GPHA2: variants seen among roughly 807,000 people sequenced by gnomAD.
GPHA2 encodes glycoprotein hormone subunit alpha 2.
GPHA2 carries 12 observed loss-of-function variants against 15.3 expected under a neutral mutation model. The observed-to-expected ratio is 0.78, with a 90% CI of 0.50 to 1.27. The LOEUF (loss-of-function observed/expected upper bound fraction) is 1.27, where lower values mean the gene tolerates loss of function less well. Ranked by LOEUF, GPHA2 falls within the 50% of genes most tolerant of loss-of-function variation. The pLI is 0.00. For missense variants in GPHA2, 156 were observed against 169.5 expected (o/e 0.92, Z 0.44); for synonymous variants, 61 against 66.8 (o/e 0.91, Z 0.42).
intron 1 of GPHA2, 179 bp from the exon 2 acceptor site, chr11:64,935,639 G>A (rs1461052285): frequency 5.7e-6 from 3 of 522,520 alleles, no homozygotes; most frequent in Non-Finnish European, 1.0e-5. Flanking sequence ...GTGTATGGGT[G>A]TGAGTGTGAG....
chr11:64,934,644 TAA>T lies in GPHA2; in HGVS notation c.*127_*128del. On this transcript the variant is annotated 3_prime_UTR_variant, in exon 4 of 4. Coordinates refer to ENST00000279168, the MANE Select transcript of GPHA2 (RefSeq NM_130769.4). ...AAGCTGGAACAACCCTCCCCTTATT[TAA>T]AAAAATTCCATAGCAAGTAACCATC... 1 of 754,736 alleles carries T rather than the reference TAA, an allele frequency of 1.3e-6. No individual in the cohort carries two copies. Among genetic ancestry groups the T allele is most frequent in the Non-Finnish European group, 2.3e-6 (1 of 432,122 alleles). 46.8% of individuals were successfully genotyped at this position (754,736 alleles called of 1,614,324 possible). A position where few individuals can be genotyped will look rare whatever the true frequency, so the allele number is the denominator to read the frequency against.
rs1945269103 is a variant in GPHA2 at position 64,934,685 on chromosome 11, C to T, written c.*88G>A. 2 of 1,067,924 alleles carry T rather than the reference C, an allele frequency of 1.9e-6. No homozygotes were observed. Among genetic ancestry groups the T allele is most frequent in the Non-Finnish European group, 2.9e-6 (2 of 682,854 alleles). The allele number at this position is 1,067,924 out of a possible 1,614,324, so 66.2% of individuals were successfully genotyped here. Reference sequence around the variant, plus strand: ...CAAGTAACCATCAGGGCTGGAGCTCCTTCCAGTTTTTGAATCTTGAACACA... The same window carrying T: ...CAAGTAACCATCAGGGCTGGAGCTCTTTCCAGTTTTTGAATCTTGAACACA... On this transcript the variant is annotated 3_prime_UTR_variant, in exon 4 of 4. Coordinates refer to ENST00000279168, the MANE Select transcript of GPHA2 (RefSeq NM_130769.4).
chr11:64,934,754 A>T lies in GPHA2; in HGVS notation c.*19T>A, dbSNP rs1389399821. On this transcript the variant is annotated 3_prime_UTR_variant, in exon 4 of 4. Transcript: ENST00000279168. ...GTCAAGCCCTGTGACCCAGGGGAGG[A>T]AGGAGGGGAGAGGATGGGCTAGTAG... The T allele has an allele frequency of 6.3e-7, 1 of 1,598,302 alleles. No individual in the cohort carries two copies. The highest frequency in any genetic ancestry group is 8.6e-7 in the Non-Finnish European group (1 of 1,165,524).
rs531163582 is a variant in GPHA2 at position 64,934,820 on chromosome 11, T to C, written c.343A>G (p.Thr115Ala). ...GSRREELEIF[T>A]ARACQCDMCR... Reference sequence around the variant, plus strand: ...ATGTCACACTGGCAGGCCCTGGCCGTGAAGATCTCGAGCTCCTCCCTCCGG... The same window carrying C: ...ATGTCACACTGGCAGGCCCTGGCCGCGAAGATCTCGAGCTCCTCCCTCCGG... The change falls in exon 4 of 4, where the codon ACG becomes GCG. Residue 115 changes from threonine to alanine, a missense_variant. Coordinates refer to ENST00000279168, the MANE Select transcript of GPHA2 (RefSeq NM_130769.4). 2 of 1,614,042 alleles carry C rather than the reference T, an allele frequency of 1.2e-6. No individual in the cohort carries two copies. Among genetic ancestry groups the C allele is most frequent in the South Asian group, 2.2e-5 (2 of 91,066 alleles).
intron 1 of GPHA2, 151 bp from the exon 2 acceptor site, chr11:64,935,611 TTG>T (rs150478676): frequency 0.045 from 22,344 of 492,898 alleles, 1 homozygote; most frequent in Middle Eastern, 0.059. Context: ...GTATCTGCCT[TTG>T]TGTGTGTGTG....
At chr11:64,934,950 G>T in intron 3 of GPHA2, 41 bp downstream of exon 3, 1 of 1,613,036 alleles carries the variant, frequency 6.2e-7, no homozygotes, top group Non-Finnish European at 8.5e-7. Context: ...TGGTCTTCCC[G>T]CGACCCCAGC....
intron 3 of GPHA2, 35 bp downstream of exon 3, chr11:64,934,956 C>G (rs369567560): frequency 6.8e-6 from 11 of 1,613,646 alleles, no homozygotes; most frequent in East Asian, 2.2e-5. Flanking sequence ...TCCCGCGACC[C>G]CAGCGTCCAT....
At chr11:64,935,485 C>G (rs1172748804) in intron 1 of GPHA2, 25 bp from the exon 2 acceptor site, 1 of 1,494,708 alleles carries the variant, frequency 6.7e-7, no homozygotes, top group Non-Finnish European at 9.1e-7. Context: ...GGAGATGTCT[C>G]TACGTGGGTG....
In GPHA2 at chr11:64,934,570, G is replaced by A. The variant is rs3168083; in HGVS notation, c.*203C>T. ...GCCAGGCAGAGGCAGGGAAGAAGCA[G>A]AAACTCCCCTCTTCTCAGGTGACAG... is the stretch of plus-strand genomic sequence containing the variant. On this transcript the variant is annotated 3_prime_UTR_variant, in exon 4 of 4. Coordinates refer to ENST00000279168, the MANE Select transcript of GPHA2 (RefSeq NM_130769.4). 1.7e-6 allele frequency: 1 copy of A among 602,520 alleles called. No individual in the cohort carries two copies. The highest frequency in any genetic ancestry group is 2.0e-5 in the South Asian group (1 of 49,790). 37.3% of individuals were successfully genotyped at this position (602,520 alleles called of 1,614,324 possible).
chr11:64,936,173 G>C (rs1446625316), upstream of GPHA2, among the ~76,000 whole-genome samples: 3 of 152,166 alleles, frequency 2.0e-5, no homozygotes, highest in Non-Finnish European at 4.4e-5. Flanking sequence ...GACGACACAG[G>C]GGTCAAGACT....
intron 1 of GPHA2, 53 bp from the exon 2 acceptor site, chr11:64,935,513 G>A (rs1445416866): frequency 3.2e-6 from 4 of 1,261,254 alleles, no homozygotes; most frequent in Non-Finnish European, 4.4e-6. Context: ...GGGATGGCGA[G>A]TTCTTTAAAT....
chr11:64,935,241 TGCC>T, intron 2 of GPHA2, 66 bp from the exon 3 acceptor site: 1 of 1,531,968 alleles, frequency 6.5e-7, no homozygotes, highest in Non-Finnish European at 8.9e-7. Flanking sequence ...CAGCTCCCGT[TGCC>T]TGTGCCTCAG....
upstream of GPHA2, among the ~76,000 whole-genome samples, chr11:64,937,161 C>A (rs1945301036): frequency 6.6e-6 from 1 of 152,152 alleles, no homozygotes; most frequent in Non-Finnish European, 1.5e-5. Flanking sequence ...GGGGTCATTG[C>A]CTCACTGATC....
chr11:64,934,715 T>TC lies in GPHA2; in HGVS notation c.*57dup. On this transcript the variant is annotated 3_prime_UTR_variant, in exon 4 of 4. Transcript: ENST00000279168. The stretch of plus-strand genomic sequence containing the variant: ...AGTTTTTGAATCTTGAACACAGGTT[T>TC]CCCCCACCAGAACGTCAAGCCCTGT... 1 of 1,374,836 alleles carries TC rather than the reference T, an allele frequency of 7.3e-7. No homozygotes were observed. Among genetic ancestry groups the TC allele is most frequent in the Non-Finnish European group, 1.0e-6 (1 of 961,836 alleles). 85.2% of individuals were successfully genotyped at this position (1,374,836 alleles called of 1,614,324 possible).
In GPHA2 at chr11:64,934,746, A is replaced by G. The variant is rs1945270245; in HGVS notation, c.*27T>C. On this transcript the variant is annotated 3_prime_UTR_variant, in exon 4 of 4. Transcript: ENST00000279168. ...ACCAGAACGTCAAGCCCTGTGACCC[A>G]GGGGAGGAAGGAGGGGAGAGGATGG... The G allele has an allele frequency of 1.3e-6, 2 of 1,579,452 alleles. No homozygotes were observed. Among genetic ancestry groups the G allele is most frequent in the African/African-American group, 1.3e-5 (1 of 74,234 alleles).
rs1945276514 is a variant in GPHA2 at position 64,935,004 on chromosome 11, C to G, written c.275G>C (p.Ser92Thr). The change falls in exon 3 of 4, where the codon AGT (serine) becomes ACT (threonine). Residue 92 changes from serine to threonine, a missense_variant. Transcript: ENST00000279168. ...ITSVSQCCTI[S>T]GLKKVKVQLQ... ...GGCCCTCCTCACCTTCTTCAGGCCA[C>G]TGATGGTGCAGCACTGAGAGACGGA... 6.2e-7 allele frequency: 1 copy of G among 1,613,944 alleles called. No homozygotes were observed. The highest frequency in any genetic ancestry group is 1.7e-5 in the Admixed American group (1 of 60,006).
upstream of GPHA2, among the ~76,000 whole-genome samples, chr11:64,936,208 G>A (rs78688495): frequency 0.028 from 4,217 of 152,266 alleles, 200 homozygotes; most frequent in African/African-American, 0.096. Flanking sequence ...GGACACCTGG[G>A]TTCTCTTTGC....
At chr11:64,935,224 C>A in intron 2 of GPHA2, 49 bp from the exon 3 acceptor site, 5 of 1,557,178 alleles carry the variant, frequency 3.2e-6, no homozygotes, top group Non-Finnish European at 4.4e-6. Context: ...CAAGGTTTGC[C>A]TCGCCCCAGC....
upstream of GPHA2, among the ~76,000 whole-genome samples, chr11:64,936,364 ACCTCCC>A (rs1945293940): frequency 6.6e-6 from 1 of 150,842 alleles, no homozygotes; most frequent in Non-Finnish European, 1.5e-5. Context: ...TGCAACCTCC[ACCTCCC>A]AGCCTCCCAG....
Sources: gnomAD v4.1 joint callset for allele counts (sites outside exome capture counted in the v4.1 genomes callset) on GRCh38, gnomAD v4.1.1 for gene constraint, MANE v1.5 for transcripts, NCBI Gene and HGNC (gene_info 2026-07-23, HGNC 2026-07-21) for gene names.